Variants in GAK observed in about 807,000 individuals in gnomAD.
GAK encodes the protein cyclin-G-associated kinase.
Under a neutral mutation model 143.9 loss-of-function variants are expected in GAK, and 79 were observed. The observed-to-expected ratio is 0.55, with a 90% CI of 0.46 to 0.66. The LOEUF (loss-of-function observed/expected upper bound fraction) is 0.66. Ranked by LOEUF, GAK falls within the 30% of genes least tolerant of loss-of-function variation. GAK has a pLI of 0.00. For synonymous variants in GAK, 881 were observed against 765.5 expected, an observed-to-expected ratio of 1.15 and a Z score of -2.49; for missense variants, 1,693 against 1,779.7, an observed-to-expected ratio of 0.95 and a Z score of 0.88.
intron 9 of GAK, among the ~76,000 whole-genome samples, chr4:891,163 G>A (rs1457554182): frequency 4.6e-5 from 7 of 151,994 alleles, no homozygotes; most frequent in African/African-American, 1.7e-4. Context: ...GTTTCACCAC[G>A]TTGCCCAGGC....
intron 1 of GAK, among the ~76,000 whole-genome samples, chr4:923,622 C>T (rs1264601557): frequency 6.6e-6 from 1 of 152,126 alleles, no homozygotes; most frequent in African/African-American, 2.4e-5. Context: ...CTGTGGTGAG[C>T]TGTGATCATG....
intron 24 of GAK, 152 bp downstream of exon 24, chr4:859,454 C>G: frequency 6.3e-7 from 1 of 1,594,416 alleles, no homozygotes; most frequent in Non-Finnish European, 8.5e-7. Flanking sequence ...GGTGCAGACA[C>G]GCTGTCCCCT....
chr4:905,638 G>A (rs902364823), intron 4 of GAK, among the ~76,000 whole-genome samples: 12 of 147,970 alleles, frequency 8.1e-5, no homozygotes, highest in South Asian at 6.5e-4. Context: ...ACTCTGCCAC[G>A]CCCCAGGCCA....
rs193163951 is a variant in GAK, at chr4:905,101, C to T, written c.383-322G>A. ...CTTTCTGCAACCATTAGGCTGATGG[C>T]GGGCTACCACTTCGTTTACATGAGG... On this transcript the variant is annotated intron_variant, in intron 4 of 27. Coordinates refer to ENST00000314167, the MANE Select transcript of GAK (RefSeq NM_005255.4). 1.3e-4 allele frequency among the ~76,000 whole-genome samples: 20 copies of T among 152,224 alleles called. No homozygotes were observed. In the East Asian group the frequency reaches 3.7e-3, roughly 28 times the overall value.
intron 15 of GAK, 140 bp from the exon 16 acceptor site, chr4:877,949 G>T: frequency 1.6e-6 from 1 of 636,110 alleles, no homozygotes; most frequent in Non-Finnish European, 2.6e-6. Context: ...CAAATCTGAT[G>T]TTATAATTTT....
chr4:923,423 C>T (rs1724204170), intron 1 of GAK, among the ~76,000 whole-genome samples: 1 of 152,190 alleles, frequency 6.6e-6, no homozygotes, highest in Non-Finnish European at 1.5e-5. Flanking sequence ...AATCCCAGCA[C>T]TTTGGGAGGC....
rs189271698 is a variant in GAK, at chr4:858,775, C to T, written c.3283+831G>A. 3.4e-3 allele frequency among the ~76,000 whole-genome samples: 518 copies of T among 152,334 alleles called. 5 individuals are homozygous for T. Among genetic ancestry groups the T allele is most frequent in the Non-Finnish European group, 5.5e-3 (372 of 68,028 alleles). On this transcript the variant is annotated intron_variant, in intron 24 of 27. Coordinates refer to ENST00000314167, the MANE Select transcript of GAK (RefSeq NM_005255.4). ...CTCGAAGCCAGCCCTAGAGATCCAA[C>T]GCCGACACCTGCTCACAGGAATTTG...
In GAK at chr4:850,922, G is replaced by T. The variant is rs372960827; in HGVS notation, c.3657+14C>A. On this transcript the variant is annotated intron_variant, in intron 26 of 27. Transcript: ENST00000314167. Reference sequence around the variant, plus strand: ...GGCCTCTGGGCTCCCAGGAAGAGCTGCCCACCCACCCACCTTCAGCTTGAG... The same window carrying T: ...GGCCTCTGGGCTCCCAGGAAGAGCTTCCCACCCACCCACCTTCAGCTTGAG... 855 of 1,608,602 alleles carry T rather than the reference G, an allele frequency of 5.3e-4. No homozygotes were observed. Among genetic ancestry groups the T allele is most frequent in the Non-Finnish European group, 7.1e-4 (834 of 1,176,662 alleles).
In GAK at chr4:865,442, G is replaced by C. The variant is rs182384274; in HGVS notation, c.3044-198C>G. 6.6e-5 allele frequency among the ~76,000 whole-genome samples: 10 copies of C among 152,190 alleles called. No homozygotes were observed. In the East Asian group the frequency reaches 1.9e-3, roughly 30 times the overall value. ...ATCACACAGAACTGAGCGAGTGGAC[G>C]TAGGGGCACCAGCAGGCGGAGCAGC... On this transcript the variant is annotated intron_variant, in intron 22 of 27. Transcript: ENST00000314167.
At position 868,688 on chromosome 4, in the gene GAK, G is replaced by A. The variant is rs1367832224; in HGVS notation, c.2249-3C>T. On this transcript the variant is annotated splice_region_variant and splice_polypyrimidine_tract_variant and intron_variant, in intron 19 of 27. Coordinates refer to ENST00000314167, the MANE Select transcript of GAK (RefSeq NM_005255.4). ...CTGCCGGGGAAGCTCCGGCTTCCCT[G>A]CAGGAGAGGGAGGGCGTCAGGGCAC... 1.0e-5 allele frequency: 16 copies of A among 1,548,672 alleles called. No homozygotes were observed. The highest frequency in any genetic ancestry group is 2.0e-5 in the Admixed American group (1 of 51,002).
Position 867,290 on chromosome 4 carries a change from G to A in GAK, c.2538C>T (p.Asp846=), listed in dbSNP as rs1421289043. The part of the protein sequence containing the change: ...ISSEGQEPRA[D]PEPPGLAAGL... ...CTGCTGCCAGGCCGGGGGGCTCTGGGTCGGCCCTGGGTTCCTGGCCCTCGC... is the reference window on the plus strand; with the variant it reads ...CTGCTGCCAGGCCGGGGGGCTCTGGATCGGCCCTGGGTTCCTGGCCCTCGC... Residue 846 remains aspartate, a synonymous_variant, in exon 21 of 28, where the codon GAC becomes GAT. Transcript: ENST00000314167. 1 of 1,612,964 alleles carries A rather than the reference G, an allele frequency of 6.2e-7. No homozygotes were observed. Among genetic ancestry groups the A allele is most frequent in the Non-Finnish European group, 8.5e-7 (1 of 1,179,478 alleles).
intron 26 of GAK, 199 bp from the exon 27 acceptor site, chr4:850,267 T>G: frequency 2.1e-6 from 1 of 477,978 alleles, no homozygotes; most frequent in Non-Finnish European, 3.7e-6. Context: ...CCAGGTGGTC[T>G]TCATGTTTCA....
intron 3 of GAK, chr4:912,322 C>T: frequency 2.6e-6 from 1 of 377,574 alleles, no homozygotes; most frequent in Non-Finnish European, 5.4e-6. Flanking sequence ...GCTGGGACAG[C>T]CTGAGAAGGG....
At chr4:928,088 C>G (rs1300038032) in intron 1 of GAK, among the ~76,000 whole-genome samples, 1 of 152,198 alleles carries the variant, frequency 6.6e-6, no homozygotes, top group African/African-American at 2.4e-5. Context: ...GATAGAGTCT[C>G]GCTCTGTCGT....
At chr4:887,214 C>T (rs1041523462) in intron 11 of GAK, 24 of 135,302 alleles carry the variant, frequency 1.8e-4, no homozygotes, top group Middle Eastern at 3.6e-3. Flanking sequence ...CACGCGTACA[C>T]ATGCACGCGG....
intron 22 of GAK, among the ~76,000 whole-genome samples, chr4:865,961 G>C (rs977706933): frequency 6.6e-6 from 1 of 152,246 alleles, no homozygotes; most frequent in Non-Finnish European, 1.5e-5. Flanking sequence ...GCTACACCCA[G>C]ACCAGGTCAG....
At chr4:868,955 C>T (rs549736919) in intron 19 of GAK, 65 of 472,640 alleles carry the variant, frequency 1.4e-4, no homozygotes, top group African/African-American at 6.1e-4. Context: ...AGGCATCAAA[C>T]GCCACACATA....
At chr4:872,795 CGA>C (rs1712964475) in intron 18 of GAK, 1 of 152,950 alleles carries the variant, frequency 6.5e-6, no homozygotes. Context: ...TGGCCACTCC[CGA>C]GAGCCCTGGA....
chr4:923,830 T>A (rs1006580324), intron 1 of GAK, among the ~76,000 whole-genome samples: 9 of 152,046 alleles, frequency 5.9e-5, no homozygotes, highest in African/African-American at 2.2e-4. Context: ...ACATAAATTA[T>A]ATAAATATAT....
Sources: allele counts gnomAD v4.1 joint callset (sites outside exome capture counted in the v4.1 genomes callset), GRCh38; gene constraint gnomAD v4.1.1; transcripts MANE v1.5; gene names NCBI Gene and HGNC (gene_info 2026-07-23, HGNC 2026-07-21).